The following BTBD9 variants were observed in gnomAD, a reference collection of about 807,000 sequenced individuals.
BTBD9 encodes the protein BTB/POZ domain-containing protein 9.
A neutral mutation model predicts 64.3 loss-of-function variants in BTBD9; 49 were observed. The ratio of observed to expected loss-of-function variants is 0.76; its 90% confidence interval spans 0.61 to 0.97. The LOEUF is 0.97. Among genes scored for constraint, BTBD9 ranks in the 50% least tolerant of loss-of-function variants. The probability of loss-of-function intolerance (pLI) is 0.00; values close to 1 mark genes in which losing one functional copy is unlikely to be tolerated. For synonymous variants in BTBD9, 260 were observed against 274.7 expected (o/e 0.95, Z 0.53); for missense variants, 598 against 762.1 (o/e 0.78, Z 2.53).
intron 9 of BTBD9, among the ~76,000 whole-genome samples, chr6:38,232,843 C>T (rs986246329): frequency 2.0e-5 from 3 of 152,124 alleles, no homozygotes; most frequent in African/African-American, 7.2e-5. Flanking sequence ...ATTAGTAACA[C>T]ATAAGAGGCC....
intron 7 of BTBD9, among the ~76,000 whole-genome samples, chr6:38,318,710 C>G (rs560312124): frequency 6.6e-6 from 1 of 152,342 alleles, no homozygotes; most frequent in East Asian, 1.9e-4. Context: ...TGTGCTAGGT[C>G]AGACCTGAGG....
At chr6:38,323,640 G>A (rs1033662301) in intron 7 of BTBD9, among the ~76,000 whole-genome samples, 4 of 152,194 alleles carry the variant, frequency 2.6e-5, no homozygotes, top group Non-Finnish European at 5.9e-5. Flanking sequence ...CCATATGAGA[G>A]AAAACACACC....
intron 6 of BTBD9, among the ~76,000 whole-genome samples, chr6:38,398,957 A>G (rs774382513): frequency 9.9e-5 from 15 of 152,140 alleles, no homozygotes; most frequent in Non-Finnish European, 2.1e-4. Flanking sequence ...TAACACTAAG[A>G]GAGAGAAACA....
At position 38,485,986 on chromosome 6, in the gene BTBD9, G is replaced by A. The variant is rs1484504692; in HGVS notation, c.1154+91614C>T. Among the ~76,000 whole-genome samples the A allele has an allele frequency of 2.0e-5, 3 of 152,184 alleles. No homozygotes were observed. The East Asian group carries it at 5.8e-4, about 29-fold the overall frequency. ...AGCTAGGTCTTCTGGGTAACTTGCT[G>A]CAGCTTCTACACAAGCAGCTGCTGC... On this transcript the variant is annotated intron_variant, in intron 6 of 10. Coordinates refer to ENST00000481247, the MANE Select transcript of BTBD9 (RefSeq NM_001099272.2).
intron 9 of BTBD9, among the ~76,000 whole-genome samples, chr6:38,216,297 AG>A (rs1763006072): frequency 6.6e-6 from 1 of 152,184 alleles, no homozygotes; most frequent in Non-Finnish European, 1.5e-5. Flanking sequence ...TTCATGAGAA[AG>A]AAAAACCATG....
In BTBD9 at chr6:38,350,990, G is replaced by A. The variant is rs200483977; in HGVS notation, c.1155-5897C>T. Among the ~76,000 whole-genome samples the A allele has an allele frequency of 2.0e-5, 3 of 152,194 alleles. No individual in the cohort carries two copies. In the East Asian group the frequency reaches 5.8e-4, roughly 29 times the overall value. On this transcript the variant is annotated intron_variant, in intron 6 of 10. Transcript: ENST00000481247. ...TCTTCTAGTTCTGTGTATAATGTTA[G>A]TGCTCTTATAATCAAGCCACTGACT... is the stretch of plus-strand genomic sequence containing the variant.
At chr6:38,276,145 T>C (rs1582151261) in intron 8 of BTBD9, among the ~76,000 whole-genome samples, 1 of 152,132 alleles carries the variant, frequency 6.6e-6, no homozygotes, top group African/African-American at 2.4e-5. Flanking sequence ...GTGGCACATA[T>C]CCACCATGGA....
chr6:38,357,610 T>C (rs991028059), intron 6 of BTBD9, among the ~76,000 whole-genome samples: 6 of 152,216 alleles, frequency 3.9e-5, no homozygotes, highest in Non-Finnish European at 7.4e-5. Context: ...AAAATAAAAA[T>C]TTGAGCAGAG....
Position 38,171,895 on chromosome 6 carries a change from TAA to T in BTBD9, c.*3088_*3089del. The T allele has an allele frequency of 9.3e-6, 1 of 107,822 alleles. No homozygotes were observed. Among genetic ancestry groups the T allele is most frequent in the East Asian group, 3.4e-4 (1 of 2,930 alleles). 6.7% of individuals were successfully genotyped at this position (107,822 alleles called of 1,614,324 possible). ...AAAAAAAAAAAAATAATAATAATAA[TAA>T]TAATAATAATAATGAAAAGTGAAGG... is the stretch of plus-strand genomic sequence containing the variant. On this transcript the variant is annotated 3_prime_UTR_variant, in exon 11 of 11. Transcript: ENST00000481247.
At chr6:38,456,847 T>C (rs1412580486) in intron 6 of BTBD9, among the ~76,000 whole-genome samples, 1 of 152,190 alleles carries the variant, frequency 6.6e-6, no homozygotes. Context: ...GTTAAAGAAA[T>C]ATATCATTCC....
At chr6:38,493,639 C>A (rs1771800632) in intron 6 of BTBD9, among the ~76,000 whole-genome samples, 1 of 152,198 alleles carries the variant, frequency 6.6e-6, no homozygotes, top group Non-Finnish European at 1.5e-5. Context: ...GGAAAAGGAT[C>A]TATAGTTAGT....
At chr6:38,408,403 CT>C (rs1428614074) in intron 6 of BTBD9, among the ~76,000 whole-genome samples, 2 of 152,118 alleles carry the variant, frequency 1.3e-5, no homozygotes, top group African/African-American at 4.8e-5. Context: ...CTCTTACTTC[CT>C]TTGCCTACTA....
In BTBD9 at chr6:38,443,655, G is replaced by A. The variant is rs1376852977; in HGVS notation, c.1155-98562C>T. On this transcript the variant is annotated intron_variant, in intron 6 of 10. Transcript: ENST00000481247. Reference sequence around the variant, plus strand: ...CTTTGTCTCTCTCTCTCTTTCTCTCGCTCACTCATTTCCACCTCTTACCCA... The same window carrying A: ...CTTTGTCTCTCTCTCTCTTTCTCTCACTCACTCATTTCCACCTCTTACCCA... 3.9e-5 allele frequency among the ~76,000 whole-genome samples: 6 copies of A among 151,918 alleles called. No homozygotes were observed. The East Asian group carries it at 1.2e-3, about 29-fold the overall frequency.
intron 1 of BTBD9, among the ~76,000 whole-genome samples, chr6:38,616,038 CT>C (rs1471997624): frequency 2.0e-5 from 3 of 152,134 alleles, no homozygotes; most frequent in Admixed American, 1.3e-4. Context: ...ATATAAGAGT[CT>C]TGTAGCTGAC....
At chr6:38,292,601 G>A (rs549364823) in intron 7 of BTBD9, among the ~76,000 whole-genome samples, 8 of 152,130 alleles carry the variant, frequency 5.3e-5, no homozygotes, top group Non-Finnish European at 1.2e-4. Flanking sequence ...TACTTTATTT[G>A]CTTAGAGGTG....
chr6:38,223,557 C>T (rs1763287902), intron 9 of BTBD9, among the ~76,000 whole-genome samples: 1 of 152,076 alleles, frequency 6.6e-6, no homozygotes, highest in Admixed American at 6.5e-5. Context: ...AGGCTGGATT[C>T]GAATTCCCGG....
chr6:38,635,265 A>T (rs1158890157), intron 1 of BTBD9, among the ~76,000 whole-genome samples: 1 of 151,922 alleles, frequency 6.6e-6, no homozygotes, highest in East Asian at 1.9e-4. Flanking sequence ...CCTCCTGAGT[A>T]GCTGGGATTA....
intron 7 of BTBD9, among the ~76,000 whole-genome samples, chr6:38,303,840 G>GATATATATATATATATAT (rs70981538): frequency 7.4e-4 from 56 of 75,292 alleles, no homozygotes; most frequent in South Asian, 1.6e-3. Context: ...TTAGTTGCTA[G>GATATATATATATATATAT]ATATATATAT....
At chr6:38,242,712 C>T (rs757094637) in intron 9 of BTBD9, among the ~76,000 whole-genome samples, 4 of 152,168 alleles carry the variant, frequency 2.6e-5, no homozygotes, top group Non-Finnish European at 4.4e-5. Flanking sequence ...TGAGCCTCTA[C>T]CTACTAGGGT....
Sources: allele counts gnomAD v4.1 joint callset (sites outside exome capture counted in the v4.1 genomes callset), GRCh38; gene constraint gnomAD v4.1.1; transcripts MANE v1.5; gene names NCBI Gene and HGNC (gene_info 2026-07-23, HGNC 2026-07-21).